The following NCAM2 variants were observed in gnomAD, a reference collection of about 807,000 sequenced individuals.
NCAM2 encodes the protein N-CAM-2.
In NCAM2, 30 loss-of-function variants were observed where a neutral mutation model predicts 98.1. That is an observed-to-expected ratio of 0.31 (90% confidence interval 0.23 to 0.41). NCAM2 has a LOEUF of 0.41. Among genes scored for constraint, NCAM2 ranks in the 10% least tolerant of loss-of-function variants. The pLI, the probability that NCAM2 is intolerant of heterozygous loss-of-function variation, is 1.00. For missense variants in NCAM2, 867 were observed against 1,005.8 expected, an observed-to-expected ratio of 0.86 and a Z score of 1.87; for synonymous variants, 368 against 342.4, an observed-to-expected ratio of 1.07 and a Z score of -0.83.
chr21:21,008,775 C>G (rs570881905), intron 1 of NCAM2, among the ~76,000 whole-genome samples: 135 of 152,160 alleles, frequency 8.9e-4, no homozygotes, highest in African/African-American at 3.2e-3. Context: ...GGAGATCTAC[C>G]TTTTGTTTGA....
In NCAM2 at chr21:21,539,948, C is replaced by A. The variant is rs989130615; in HGVS notation, c.*1991C>A. The A allele has an allele frequency of 6.6e-6, 1 of 152,008 alleles. No homozygotes were observed. Among genetic ancestry groups the A allele is most frequent in the Admixed American group, 6.6e-5 (1 of 15,230 alleles). 9.4% of individuals were successfully genotyped at this position (152,008 alleles called of 1,614,324 possible). ...TTTGTTTTGTACCAGTGTACTAAAACTAGTCAAAATACTTGAATTAGTTTG... is the reference window on the plus strand; with the variant it reads ...TTTGTTTTGTACCAGTGTACTAAAAATAGTCAAAATACTTGAATTAGTTTG... On this transcript the variant is annotated 3_prime_UTR_variant, in exon 18 of 18. Transcript: ENST00000400546.
chr21:21,468,055 A>G (rs996053778), intron 13 of NCAM2, among the ~76,000 whole-genome samples: 1 of 152,016 alleles, frequency 6.6e-6, no homozygotes, highest in Non-Finnish European at 1.5e-5. Flanking sequence ...CATCATTGTT[A>G]TATGGCTATC....
intron 1 of NCAM2, among the ~76,000 whole-genome samples, chr21:21,234,770 C>G (rs903722824): frequency 2.6e-5 from 4 of 151,870 alleles, no homozygotes; most frequent in African/African-American, 9.7e-5. Flanking sequence ...GACTCTTGAT[C>G]CATATGATCA....
At chr21:21,371,880 C>T (rs2075923713) in intron 8 of NCAM2, among the ~76,000 whole-genome samples, 1 of 151,726 alleles carries the variant, frequency 6.6e-6, no homozygotes, top group Admixed American at 6.6e-5. Context: ...CACACACACA[C>T]ACACACACAC....
chr21:21,340,702 C>A (rs2075003688), intron 8 of NCAM2, among the ~76,000 whole-genome samples: 1 of 151,798 alleles, frequency 6.6e-6, no homozygotes, highest in Admixed American at 6.6e-5. Context: ...ACTTCTTTTC[C>A]CCTAATATTT....
chr21:21,425,040 C>CAAAAAAAAAAAAAAAAAAA (rs1192128472), intron 11 of NCAM2, among the ~76,000 whole-genome samples: 1 of 43,852 alleles, frequency 2.3e-5, no homozygotes, highest in Non-Finnish European at 4.4e-5. Context: ...CTTCCTCCTC[C>CAAAAAAAAAAAAAAAAAAA]AAAAAAAAAA....
At chr21:21,136,723 C>T (rs2146637618) in intron 1 of NCAM2, among the ~76,000 whole-genome samples, 1 of 151,734 alleles carries the variant, frequency 6.6e-6, no homozygotes, top group Non-Finnish European at 1.5e-5. Flanking sequence ...CCGCCTCAGT[C>T]CCTCAAAGTG....
chr21:21,218,255 AAAGTT>A (rs560058393), intron 1 of NCAM2, among the ~76,000 whole-genome samples: 72 of 152,324 alleles, frequency 4.7e-4, no homozygotes, highest in Non-Finnish European at 7.9e-4. Flanking sequence ...AGTGCGCAGT[AAAGTT>A]AAGTTACCAG....
chr21:21,356,981 C>A (rs1357658282), intron 8 of NCAM2, among the ~76,000 whole-genome samples: 1 of 103,106 alleles, frequency 9.7e-6, no homozygotes, highest in Non-Finnish European at 1.9e-5. Context: ...AAGAGCGAAA[C>A]TCCATCAATA....
chr21:21,156,201 T>A (rs1334682452), intron 1 of NCAM2, among the ~76,000 whole-genome samples: 1 of 151,916 alleles, frequency 6.6e-6, no homozygotes, highest in Admixed American at 6.6e-5. Context: ...AGTATTTCTG[T>A]CTCATTATAA....
At chr21:21,424,904 TG>T (rs2077181650) in intron 11 of NCAM2, among the ~76,000 whole-genome samples, 1 of 151,292 alleles carries the variant, frequency 6.6e-6, no homozygotes, top group African/African-American at 2.4e-5. Context: ...GGTGTGGTGA[TG>T]GGTGCCTGTA....
intron 1 of NCAM2, among the ~76,000 whole-genome samples, chr21:21,157,454 G>T (rs764351290): frequency 1.1e-4 from 17 of 152,098 alleles, no homozygotes; most frequent in African/African-American, 4.1e-4. Context: ...TTTGGAAGCC[G>T]ATTAGTTGGT....
intron 5 of NCAM2, among the ~76,000 whole-genome samples, chr21:21,323,826 T>G (rs232466): frequency 0.68 from 103,946 of 151,914 alleles, 36,337 homozygotes; most frequent in Non-Finnish European, 0.78. Flanking sequence ...GAAATTAAGT[T>G]TAGTTAATCA....
intron 1 of NCAM2, among the ~76,000 whole-genome samples, chr21:21,260,853 C>A (rs1350561418): frequency 6.6e-6 from 1 of 151,946 alleles, no homozygotes; most frequent in Non-Finnish European, 1.5e-5. Context: ...ACCTCACATA[C>A]CAATATTAAC....
At chr21:21,422,524 G>C (rs1245773673) in intron 11 of NCAM2, among the ~76,000 whole-genome samples, 2 of 152,120 alleles carry the variant, frequency 1.3e-5, no homozygotes, top group Middle Eastern at 3.2e-3. Context: ...CCTAAGCAAG[G>C]ACTTTCCATT....
At chr21:21,183,881 G>A (rs977799030) in intron 1 of NCAM2, among the ~76,000 whole-genome samples, 1 of 151,924 alleles carries the variant, frequency 6.6e-6, no homozygotes, top group African/African-American at 2.4e-5. Flanking sequence ...AAGAAAAACC[G>A]ACCAACTTCA....
intron 17 of NCAM2, among the ~76,000 whole-genome samples, chr21:21,534,903 A>T (rs974868007): frequency 6.6e-6 from 1 of 152,166 alleles, no homozygotes; most frequent in African/African-American, 2.4e-5. Flanking sequence ...CAAAAGTATA[A>T]AAAGGTAAGT....
At chr21:21,149,227 C>T (rs1310814497) in intron 1 of NCAM2, among the ~76,000 whole-genome samples, 1 of 152,082 alleles carries the variant, frequency 6.6e-6, no homozygotes, top group Non-Finnish European at 1.5e-5. Flanking sequence ...TTAAAACCTT[C>T]TTGGCAATTT....
At chr21:21,472,967 TACACACACACACACAC>T (rs3039039) in intron 14 of NCAM2, among the ~76,000 whole-genome samples, 5,432 of 142,354 alleles carry the variant, frequency 0.038, 311 homozygotes, top group African/African-American at 0.13. Flanking sequence ...TACATATATG[TACACACACACACACAC>T]ACACACACAC....
Sources: gnomAD v4.1 joint callset for allele counts (sites outside exome capture counted in the v4.1 genomes callset) on GRCh38, gnomAD v4.1.1 for gene constraint, MANE v1.5 for transcripts, NCBI Gene and HGNC (gene_info 2026-07-23, HGNC 2026-07-21) for gene names.